The following RBL1 variants were observed in gnomAD, a reference collection of about 807,000 sequenced individuals.
The protein encoded by RBL1 is RB transcriptional corepressor like 1, also known as retinoblastoma-like protein 1.
Under a neutral mutation model 123.0 loss-of-function variants are expected in RBL1, and 82 were observed. The observed-to-expected ratio is 0.67, with a 90% CI of 0.56 to 0.80. RBL1 has a LOEUF of 0.80. Ranked by LOEUF, RBL1 falls within the 30% of genes least tolerant of loss-of-function variation. The pLI, the probability that RBL1 is intolerant of heterozygous loss-of-function variation, is 0.00. For missense variants in RBL1, 1,171 were observed against 1,299.6 expected, an observed-to-expected ratio of 0.90 and a Z score of 1.52; for synonymous variants, 405 against 441.3, an observed-to-expected ratio of 0.92 and a Z score of 1.03.
intron 18 of RBL1, 24 bp from the exon 19 acceptor site, chr20:37,018,393 G>A: frequency 1.9e-6 from 3 of 1,585,474 alleles, no homozygotes; most frequent in Non-Finnish European, 2.6e-6. Context: ...GGGAAGAAAA[G>A]GACAGCTCAG....
rs1397489937 is a variant in RBL1 at position 37,022,084 on chromosome 20, T to G, written c.2559+566A>C. 2.6e-5 allele frequency: 4 copies of G among 152,100 alleles called. 1 individual carries two copies. The highest frequency in any genetic ancestry group is 2.6e-4 in the Admixed American group (4 of 15,248). The allele number at this position is 152,100 out of a possible 1,614,324, so 9.4% of individuals were successfully genotyped here. On this transcript the variant is annotated intron_variant, in intron 17 of 21. Transcript: ENST00000373664. ...TGTGGGAGGAGGGGTCACAAAGGAGTTTAAAAACATATGCTCTGTCTCAAA... is the reference window on the plus strand; with the variant it reads ...TGTGGGAGGAGGGGTCACAAAGGAGGTTAAAAACATATGCTCTGTCTCAAA...
At chr20:37,009,389 C>G (rs552583475) in intron 19 of RBL1, among the ~76,000 whole-genome samples, 11 of 152,218 alleles carry the variant, frequency 7.2e-5, no homozygotes, top group African/African-American at 2.6e-4. Context: ...TTGTTAACAG[C>G]TCTTCTAGGT....
At chr20:37,021,726 AGCCTGC>A (rs2064343873) in intron 17 of RBL1, 1 of 160,460 alleles carries the variant, frequency 6.2e-6, no homozygotes, top group African/African-American at 2.4e-5. Context: ...TACAGGCATG[AGCCTGC>A]GCCCGGCCCT....
intron 12 of RBL1, among the ~76,000 whole-genome samples, chr20:37,045,652 T>C (rs1207921424): frequency 2.0e-5 from 3 of 152,140 alleles, no homozygotes; most frequent in African/African-American, 7.2e-5. Context: ...AACCAATTAC[T>C]ATGAGGTTGT....
At chr20:37,075,084 C>T (rs1653729404) in intron 2 of RBL1, among the ~76,000 whole-genome samples, 1 of 152,128 alleles carries the variant, frequency 6.6e-6, no homozygotes, top group Non-Finnish European at 1.5e-5. Context: ...ACCTTGACAC[C>T]ATTATCCTAA....
rs549148529 is a variant in RBL1, at chr20:36,997,609, A to G, written c.*1150T>C. The G allele has an allele frequency of 5.9e-5, 9 of 152,122 alleles. No homozygotes were observed. The South Asian group carries it at 1.7e-3, about 28-fold the overall frequency. 9.4% of individuals were successfully genotyped at this position (152,122 alleles called of 1,614,324 possible). The stretch of plus-strand genomic sequence containing the variant: ...GAATGACTGATAACTATGATCTCAA[A>G]AACAGTATATCACACATAATCATGG... On this transcript the variant is annotated 3_prime_UTR_variant, in exon 22 of 22. Coordinates refer to ENST00000373664, the MANE Select transcript of RBL1 (RefSeq NM_002895.5).
rs148851979 is a variant in RBL1, at chr20:37,065,919, G to A, written c.847-446C>T. Reference sequence around the variant, plus strand: ...GTGAGCCACCGCGCCCAGTCCCTGGGATCCTTTAAAAAAAGTTTACTTTGC... The same window carrying A: ...GTGAGCCACCGCGCCCAGTCCCTGGAATCCTTTAAAAAAAGTTTACTTTGC... On this transcript the variant is annotated intron_variant, in intron 6 of 21. Transcript: ENST00000373664. Among the ~76,000 whole-genome samples the A allele has an allele frequency of 2.7e-3, 417 of 152,180 alleles. 2 individuals are homozygous for A. The highest frequency in any genetic ancestry group is 9.4e-3 in the African/African-American group (391 of 41,524).
At position 37,089,196 on chromosome 20, in the gene RBL1, T is replaced by C. The variant is rs1195336438; in HGVS notation, c.157-74A>G. On this transcript the variant is annotated intron_variant, in intron 1 of 21. Coordinates refer to ENST00000373664, the MANE Select transcript of RBL1 (RefSeq NM_002895.5). ...ATGCTTTAATTCTAGAAACAAGAGA[T>C]GTAGAATTATCTGGTCTCAATTTTC... The C allele has an allele frequency of 5.8e-6, 8 of 1,384,438 alleles. No individual in the cohort carries two copies. The South Asian group carries it at 7.5e-5, about 13-fold the overall frequency. 85.8% of individuals were successfully genotyped at this position (1,384,438 alleles called of 1,614,324 possible). A position where few individuals can be genotyped will look rare whatever the true frequency, so the allele number is the denominator to read the frequency against.
intron 10 of RBL1, 148 bp downstream of exon 10, chr20:37,055,998 G>T: frequency 3.0e-6 from 4 of 1,325,044 alleles, no homozygotes; most frequent in Non-Finnish European, 4.0e-6. Flanking sequence ...AGTGAGTCGA[G>T]ATCATGCCAT....
chr20:37,085,571 T>C (rs1568893746), intron 2 of RBL1, among the ~76,000 whole-genome samples: 1 of 151,948 alleles, frequency 6.6e-6, no homozygotes, highest in Non-Finnish European at 1.5e-5. Flanking sequence ...TATAGTTCAG[T>C]AGCATTAAGT....
intron 15 of RBL1, among the ~76,000 whole-genome samples, chr20:37,033,996 T>C (rs1018521162): frequency 4.6e-5 from 7 of 150,882 alleles, no homozygotes; most frequent in Non-Finnish European, 8.8e-5. Flanking sequence ...TGGAGTACAG[T>C]AGCGTGATCA....
chr20:37,049,353 G>C (rs368446103), intron 11 of RBL1: 1 of 695,820 alleles, frequency 1.4e-6, no homozygotes, highest in East Asian at 2.5e-5. Flanking sequence ...CCAGGATAAG[G>C]AAGGAATTCC....
chr20:37,046,902 C>T, intron 12 of RBL1, 151 bp downstream of exon 12: 1 of 1,216,252 alleles, frequency 8.2e-7, no homozygotes, highest in East Asian at 3.6e-5. Flanking sequence ...CGTGAGCCAC[C>T]ATGCCTAGCC....
At chr20:37,061,927 T>C (rs1215802093) in intron 8 of RBL1, among the ~76,000 whole-genome samples, 157 bp downstream of exon 8, 1 of 152,224 alleles carries the variant, frequency 6.6e-6, no homozygotes, top group African/African-American at 2.4e-5. Flanking sequence ...AAATACTAAA[T>C]GCCAGTTTTA....
chr20:37,093,047 T>C (rs2065672514), intron 1 of RBL1, among the ~76,000 whole-genome samples: 2 of 152,042 alleles, frequency 1.3e-5, no homozygotes, highest in South Asian at 4.1e-4. Flanking sequence ...ATACAAGCTA[T>C]AAGAAGAACT....
In RBL1 at chr20:37,056,351, CTTTTTTT is replaced by C; in HGVS notation, c.1251-100_1251-94del. The C allele has an allele frequency of 4.2e-5, 41 of 971,208 alleles. No individual in the cohort carries two copies. The East Asian group carries it at 5.7e-4, about 14-fold the overall frequency. 60.2% of individuals were successfully genotyped at this position (971,208 alleles called of 1,614,324 possible). A position where few individuals can be genotyped will look rare whatever the true frequency, so the allele number is the denominator to read the frequency against. ...CAGAATACTAACATGCCTTCTTCTT[CTTTTTTT>C]TTTTTTTTTTTTTTGAGACGGAGTC... On this transcript the variant is annotated intron_variant, in intron 9 of 21. Coordinates refer to ENST00000373664, the MANE Select transcript of RBL1 (RefSeq NM_002895.5).
At chr20:37,012,665 C>G (rs1230592283) in intron 19 of RBL1, among the ~76,000 whole-genome samples, 1 of 149,278 alleles carries the variant, frequency 6.7e-6, no homozygotes, top group African/African-American at 2.5e-5. Context: ...CGTCTCCGCC[C>G]GGCAGCCACC....
At chr20:37,082,966 T>A (rs2065475822) in intron 2 of RBL1, among the ~76,000 whole-genome samples, 1 of 152,130 alleles carries the variant, frequency 6.6e-6, no homozygotes, top group African/African-American at 2.4e-5. Context: ...CATGTTACTG[T>A]ACTCTAGCCT....
At chr20:37,065,275 G>C (rs761545923) in intron 7 of RBL1, 149 bp downstream of exon 7, 2 of 582,462 alleles carry the variant, frequency 3.4e-6, no homozygotes, top group Non-Finnish European at 5.9e-6. Flanking sequence ...ACAAGTCTTA[G>C]TGATAATAAA....
Sources: gnomAD v4.1 joint callset for allele counts (sites outside exome capture counted in the v4.1 genomes callset) on GRCh38, gnomAD v4.1.1 for gene constraint, MANE v1.5 for transcripts, NCBI Gene and HGNC (gene_info 2026-07-23, HGNC 2026-07-21) for gene names.